The following GOT1 variants were observed in gnomAD, a reference collection of about 807,000 sequenced individuals.
The protein encoded by GOT1 is glutamic-oxaloacetic transaminase 1, also known as aspartate aminotransferase, cytoplasmic.
Under a neutral mutation model 48.2 loss-of-function variants are expected in GOT1, and 25 were observed. The ratio of observed to expected loss-of-function variants is 0.52; its 90% CI spans 0.38 to 0.72. The LOEUF (loss-of-function observed/expected upper bound fraction) is 0.72, where lower values mean the gene tolerates loss of function less well. GOT1 is among the 30% of genes least tolerant of loss of function. GOT1 has a pLI of 0.00. For synonymous variants in GOT1, 188 were observed against 193.8 expected, an observed-to-expected ratio of 0.97 and a Z score of 0.25; for missense variants, 380 against 520.1, an observed-to-expected ratio of 0.73 and a Z score of 2.62.
chr10:99,415,623 G>A (rs2032885121), intron 2 of GOT1, among the ~76,000 whole-genome samples: 1 of 152,124 alleles, frequency 6.6e-6, no homozygotes, highest in Non-Finnish European at 1.5e-5. Context: ...ACCAAAGCCT[G>A]GCAGAGACAC....
chr10:99,414,809 A>G (rs1188471111), intron 2 of GOT1, among the ~76,000 whole-genome samples: 2 of 152,200 alleles, frequency 1.3e-5, no homozygotes, highest in Non-Finnish European at 2.9e-5. Flanking sequence ...GCTCAACTAC[A>G]TGAAAACTGA....
intron 2 of GOT1, among the ~76,000 whole-genome samples, chr10:99,415,989 T>C (rs1365332629): frequency 1.3e-5 from 2 of 152,204 alleles, no homozygotes; most frequent in East Asian, 3.8e-4. Context: ...AATATCATAC[T>C]GAATGGGCAA....
chr10:99,409,138 T>C (rs963077500), intron 2 of GOT1, among the ~76,000 whole-genome samples: 7 of 152,008 alleles, frequency 4.6e-5, no homozygotes, highest in Admixed American at 3.9e-4. Flanking sequence ...TGTTTTTTTT[T>C]TGTTTGTTTT....
intron 1 of GOT1, among the ~76,000 whole-genome samples, chr10:99,422,241 C>A (rs188281356): frequency 1.6e-4 from 24 of 152,326 alleles, no homozygotes; most frequent in Admixed American, 1.3e-3. Context: ...TGCTTGCTTG[C>A]GCTTCACTCT....
intron 5 of GOT1, among the ~76,000 whole-genome samples, chr10:99,404,966 T>C (rs1010586189): frequency 1.3e-5 from 2 of 152,074 alleles, no homozygotes; most frequent in Non-Finnish European, 2.9e-5. Context: ...TCCAGGAAGG[T>C]TCCTGCCACC....
chr10:99,405,979 T>A, intron 4 of GOT1, 119 bp from the exon 5 acceptor site: 1 of 797,316 alleles, frequency 1.3e-6, no homozygotes, highest in Non-Finnish European at 2.3e-6. Flanking sequence ...CACTCTTTCA[T>A]GTCTCTTTTG....
chr10:99,402,085 G>T (rs2032687758), intron 8 of GOT1, among the ~76,000 whole-genome samples: 1 of 152,122 alleles, frequency 6.6e-6, no homozygotes, highest in South Asian at 2.1e-4. Context: ...TGGGATTACA[G>T]GTGTGAGCCA....
intron 2 of GOT1, among the ~76,000 whole-genome samples, chr10:99,414,011 G>T (rs1194119016): frequency 1.3e-5 from 2 of 152,110 alleles, no homozygotes; most frequent in Non-Finnish European, 2.9e-5. Context: ...GACCATCGAG[G>T]CTAGGAAGAA....
At chr10:99,428,894 G>A (rs1186479128) in intron 1 of GOT1, among the ~76,000 whole-genome samples, 1 of 152,098 alleles carries the variant, frequency 6.6e-6, no homozygotes, top group Non-Finnish European at 1.5e-5. Flanking sequence ...TATCTTAAAA[G>A]CTTTATGATG....
chr10:99,415,257 G>T (rs939878067), intron 2 of GOT1, among the ~76,000 whole-genome samples: 23 of 152,162 alleles, frequency 1.5e-4, no homozygotes, highest in Middle Eastern at 3.4e-3. Flanking sequence ...TGATAAAGGG[G>T]ATATCACCAC....
intron 2 of GOT1, among the ~76,000 whole-genome samples, chr10:99,414,233 G>A (rs922103166): frequency 1.3e-5 from 2 of 152,150 alleles, no homozygotes; most frequent in Admixed American, 6.5e-5. Context: ...TCAAAATAAA[G>A]GGATGGAGGA....
intron 8 of GOT1, among the ~76,000 whole-genome samples, chr10:99,399,049 C>G (rs1343378539): frequency 6.6e-6 from 1 of 152,128 alleles, no homozygotes; most frequent in African/African-American, 2.4e-5. Flanking sequence ...TAGTTCACCC[C>G]AAAATATACT....
chr10:99,399,830 T>C (rs1216817043), intron 8 of GOT1, among the ~76,000 whole-genome samples: 1 of 152,214 alleles, frequency 6.6e-6, no homozygotes, highest in African/African-American at 2.4e-5. Flanking sequence ...TCTTGTCAGC[T>C]GATTTCCAGC....
chr10:99,401,499 A>G (rs1321097566), intron 8 of GOT1, among the ~76,000 whole-genome samples: 2 of 152,104 alleles, frequency 1.3e-5, no homozygotes, highest in Admixed American at 6.5e-5. Flanking sequence ...CACACAGGTG[A>G]GTCGCCACAT....
At chr10:99,429,881 CG>C (rs1179118415) in intron 1 of GOT1, among the ~76,000 whole-genome samples, 1 of 152,150 alleles carries the variant, frequency 6.6e-6, no homozygotes, top group Non-Finnish European at 1.5e-5. Flanking sequence ...CCAGACCCCC[CG>C]GGGGCAGCAT....
chr10:99,404,351 G>A (rs942661964), intron 5 of GOT1, among the ~76,000 whole-genome samples: 1 of 152,128 alleles, frequency 6.6e-6, no homozygotes, highest in African/African-American at 2.4e-5. Flanking sequence ...TGTGCTCTCT[G>A]AGTGGACACC....
At chr10:99,423,862 C>A (rs1218444658) in intron 1 of GOT1, among the ~76,000 whole-genome samples, 1 of 151,820 alleles carries the variant, frequency 6.6e-6, no homozygotes, top group Non-Finnish European at 1.5e-5. Flanking sequence ...CACTTTGTTG[C>A]CCAGGCTGGT....
At chr10:99,413,224 C>A (rs1251291296) in intron 2 of GOT1, among the ~76,000 whole-genome samples, 3 of 152,084 alleles carry the variant, frequency 2.0e-5, no homozygotes, top group Admixed American at 6.6e-5. Context: ...ACTAGAATAA[C>A]CAATGCAGAG....
intron 2 of GOT1, among the ~76,000 whole-genome samples, chr10:99,418,672 T>C (rs1001043737): frequency 2.0e-5 from 3 of 152,050 alleles, no homozygotes; most frequent in African/African-American, 7.3e-5. Context: ...CGGCTAATTT[T>C]TGTATTTCCT....
Sources: gnomAD v4.1 joint callset for allele counts (sites outside exome capture counted in the v4.1 genomes callset) on GRCh38, gnomAD v4.1.1 for gene constraint, MANE v1.5 for transcripts, NCBI Gene and HGNC (gene_info 2026-07-23, HGNC 2026-07-21) for gene names.